Variants in GALNT10 observed in about 807,000 individuals in gnomAD.
The protein encoded by GALNT10 is polypeptide N-acetylgalactosaminyltransferase 10.
GALNT10 carries 41 observed loss-of-function variants against 75.0 expected under a neutral mutation model. That is an observed-to-expected ratio of 0.55 (90% confidence interval 0.43 to 0.71). The LOEUF (loss-of-function observed/expected upper bound fraction) is 0.71, where lower values mean the gene tolerates loss of function less well. Ranked by LOEUF, GALNT10 falls within the 30% of genes least tolerant of loss-of-function variation. The probability of loss-of-function intolerance (pLI) is 0.00; values close to 1 mark genes in which losing one functional copy is unlikely to be tolerated. For synonymous variants in GALNT10, 302 were observed against 313.0 expected (o/e 0.96, Z 0.37); for missense variants, 727 against 818.5 (o/e 0.89, Z 1.36).
rs191022534 is a variant in GALNT10 at position 154,289,448 on chromosome 5, A to G, written c.160-5368A>G. Among the ~76,000 whole-genome samples, 449 of 152,306 alleles carry G rather than the reference A, an allele frequency of 2.9e-3. 3 individuals carry two copies. Among genetic ancestry groups the G allele is most frequent in the African/African-American group, 0.011 (437 of 41,572 alleles). On this transcript the variant is annotated intron_variant, in intron 1 of 11. Transcript: ENST00000297107. ...TGGTATTTTTCAAGGGCCTAAGATT[A>G]GTCAGGTATTGGCCTAGGAAAGTGC...
intron 4 of GALNT10, among the ~76,000 whole-genome samples, chr5:154,358,889 C>T (rs542396986): frequency 5.3e-5 from 8 of 152,314 alleles, no homozygotes; most frequent in South Asian, 2.1e-4. Flanking sequence ...CAAACAGTCA[C>T]GGTCCTTCAG....
In GALNT10 at chr5:154,340,446, C is replaced by T. The variant is rs553882203; in HGVS notation, c.568+10708C>T. ...AGAGATTCCCCTTCTCTGTGTGCCCCGCCTGCTAAATAAAACAAAAACTTT... is the reference window on the plus strand; with the variant it reads ...AGAGATTCCCCTTCTCTGTGTGCCCTGCCTGCTAAATAAAACAAAAACTTT... On this transcript the variant is annotated intron_variant, in intron 4 of 11. Coordinates refer to ENST00000297107, the MANE Select transcript of GALNT10 (RefSeq NM_198321.4). Among the ~76,000 whole-genome samples, 27 of 152,184 alleles carry T rather than the reference C, an allele frequency of 1.8e-4. No individual in the cohort carries two copies. In the South Asian group the frequency reaches 5.0e-3, roughly 28 times the overall value.
chr5:154,252,061 A>T (rs1372640114), intron 1 of GALNT10, among the ~76,000 whole-genome samples: 1 of 152,086 alleles, frequency 6.6e-6, no homozygotes, highest in Non-Finnish European at 1.5e-5. Context: ...GTAGAATTAG[A>T]TTCTTGTCTT....
chr5:154,316,492 C>T (rs1754595307), intron 3 of GALNT10, among the ~76,000 whole-genome samples: 1 of 152,216 alleles, frequency 6.6e-6, no homozygotes, highest in Admixed American at 6.5e-5. Context: ...GGCTGTGCCA[C>T]TAATAACACT....
At chr5:154,286,762 G>A (rs1754118100) in intron 1 of GALNT10, among the ~76,000 whole-genome samples, 1 of 152,162 alleles carries the variant, frequency 6.6e-6, no homozygotes, top group South Asian at 2.1e-4. Flanking sequence ...TTGAGACAAT[G>A]GAGTTACTGG....
At chr5:154,308,983 T>G (rs1422663658) in intron 3 of GALNT10, among the ~76,000 whole-genome samples, 1 of 151,864 alleles carries the variant, frequency 6.6e-6, no homozygotes, top group African/African-American at 2.4e-5. Context: ...GGTGGGAGAG[T>G]CATAATATAA....
Position 154,384,846 on chromosome 5 carries a change from G to T in GALNT10, c.939-1467G>T, listed in dbSNP as rs533491213. ...GGGGCCTTGAGCAAGTTCCCTGTCT[G>T]CACTCCAGTTTTACATGTGTAAAAT... On this transcript the variant is annotated intron_variant, in intron 6 of 11. Coordinates refer to ENST00000297107, the MANE Select transcript of GALNT10 (RefSeq NM_198321.4). Among the ~76,000 whole-genome samples the T allele has an allele frequency of 2.0e-5, 3 of 152,362 alleles. No homozygotes were observed. The Middle Eastern group carries it at 0.01, about 518-fold the overall frequency.
chr5:154,191,431 T>TCCCCCCC (rs1446489673), intron 1 of GALNT10, among the ~76,000 whole-genome samples: 4 of 55,076 alleles, frequency 7.3e-5, no homozygotes, highest in African/African-American at 1.5e-4. Flanking sequence ...GCTTCCCTCC[T>TCCCCCCC]CCCACCCCCC....
chr5:154,348,619 C>T (rs985347419), intron 4 of GALNT10, among the ~76,000 whole-genome samples: 1 of 152,158 alleles, frequency 6.6e-6, no homozygotes, highest in Non-Finnish European at 1.5e-5. Flanking sequence ...AACAAGTAGA[C>T]AAGCTTTGGT....
chr5:154,363,520 A>G (rs1247096747), intron 4 of GALNT10, among the ~76,000 whole-genome samples: 2 of 146,778 alleles, frequency 1.4e-5, no homozygotes, highest in South Asian at 2.1e-4. Flanking sequence ...AAAAAAAAAA[A>G]AGGCTCCAAA....
intron 4 of GALNT10, among the ~76,000 whole-genome samples, chr5:154,373,956 G>A (rs903768524): frequency 6.6e-6 from 1 of 152,182 alleles, no homozygotes; most frequent in Non-Finnish European, 1.5e-5. Context: ...GATGGGAGTA[G>A]TGGTGTGTGG....
At chr5:154,359,057 T>A (rs533626083) in intron 4 of GALNT10, among the ~76,000 whole-genome samples, 5 of 152,102 alleles carry the variant, frequency 3.3e-5, no homozygotes, top group Non-Finnish European at 7.4e-5. Flanking sequence ...TATGCCAGAG[T>A]GTGACAGGCC....
rs1329880162 is a variant in GALNT10 at position 154,391,223 on chromosome 5, G to A, written c.1056+4793G>A. Among the ~76,000 whole-genome samples the A allele has an allele frequency of 2.6e-5, 4 of 152,212 alleles. 1 individual carries two copies. Among genetic ancestry groups the A allele is most frequent in the Admixed American group, 1.3e-4 (2 of 15,284 alleles). The stretch of plus-strand genomic sequence containing the variant: ...TCTTTCAGCCAGAGCTGGCATTTAC[G>A]AAGGACCGAATTCCCTCTGATTCAT... On this transcript the variant is annotated intron_variant, in intron 7 of 11. Transcript: ENST00000297107.
intron 1 of GALNT10, among the ~76,000 whole-genome samples, chr5:154,216,525 G>A (rs1160431701): frequency 6.6e-6 from 1 of 152,150 alleles, no homozygotes; most frequent in East Asian, 1.9e-4. Context: ...CAATTCCTGA[G>A]TTCAGATTAT....
intron 9 of GALNT10, among the ~76,000 whole-genome samples, chr5:154,410,835 G>A (rs770966785): frequency 6.6e-6 from 1 of 152,212 alleles, no homozygotes; most frequent in African/African-American, 2.4e-5. Flanking sequence ...TCATGCACAC[G>A]CTCCAGTGTC....
intron 1 of GALNT10, among the ~76,000 whole-genome samples, chr5:154,240,020 C>G (rs1235782015): frequency 6.6e-6 from 1 of 152,214 alleles, no homozygotes; most frequent in Non-Finnish European, 1.5e-5. Flanking sequence ...TTTTCAAACT[C>G]AGATCTGCCT....
At chr5:154,370,876 G>A (rs934741953) in intron 4 of GALNT10, among the ~76,000 whole-genome samples, 1 of 152,184 alleles carries the variant, frequency 6.6e-6, no homozygotes, top group Admixed American at 6.5e-5. Flanking sequence ...GGAGTGCAGT[G>A]CTCCAGACCA....
intron 6 of GALNT10, among the ~76,000 whole-genome samples, chr5:154,385,679 T>C (rs3734083): frequency 0.75 from 114,858 of 152,142 alleles, 43,481 homozygotes; most frequent in Middle Eastern, 0.84. Flanking sequence ...ACAACTGGCA[T>C]GGGATGAACA....
At chr5:154,322,544 T>C (rs1754691399) in intron 3 of GALNT10, among the ~76,000 whole-genome samples, 1 of 152,100 alleles carries the variant, frequency 6.6e-6, no homozygotes, top group African/African-American at 2.4e-5. Context: ...AAGGTACACA[T>C]GTTCACAGGT....
Sources: gnomAD v4.1 joint callset for allele counts (sites outside exome capture counted in the v4.1 genomes callset) on GRCh38, gnomAD v4.1.1 for gene constraint, MANE v1.5 for transcripts, NCBI Gene and HGNC (gene_info 2026-07-23, HGNC 2026-07-21) for gene names.